Variants in IGF1R observed in about 807,000 individuals in gnomAD.
IGF1R encodes the protein insulin-like growth factor 1 receptor.
In IGF1R, 44 loss-of-function variants were observed where a neutral mutation model predicts 144.6. The ratio of observed to expected loss-of-function variants is 0.30; its 90% CI spans 0.24 to 0.39. IGF1R has a LOEUF of 0.39. Ranked by LOEUF, IGF1R falls within the 10% of genes least tolerant of loss-of-function variation. The probability of loss-of-function intolerance (pLI) is 1.00; values close to 1 mark genes in which losing one functional copy is unlikely to be tolerated. For synonymous variants in IGF1R, 795 were observed against 722.8 expected, an observed-to-expected ratio of 1.10 and a Z score of -1.60; for missense variants, 1,355 against 1,833.7, an observed-to-expected ratio of 0.74 and a Z score of 4.77.
intron 5 of IGF1R, among the ~76,000 whole-genome samples, chr15:98,901,752 C>G (rs2014493270): frequency 6.6e-6 from 1 of 152,150 alleles, no homozygotes; most frequent in Non-Finnish European, 1.5e-5. Context: ...AGGCTTCTGA[C>G]AAGAGGTGGC....
At chr15:98,907,781 C>T (rs371451820) in intron 5 of IGF1R, among the ~76,000 whole-genome samples, 37 of 152,332 alleles carry the variant, frequency 2.4e-4, no homozygotes, top group African/African-American at 8.7e-4. Flanking sequence ...ATCTGCTACT[C>T]GTGTGCACAC....
chr15:98,776,923 C>T (rs1443240649), intron 2 of IGF1R, among the ~76,000 whole-genome samples: 1 of 152,218 alleles, frequency 6.6e-6, no homozygotes, highest in Non-Finnish European at 1.5e-5. Context: ...GAGCTGGACA[C>T]AGGTGCTTAG....
intron 2 of IGF1R, among the ~76,000 whole-genome samples, chr15:98,773,955 C>A (rs926988543): frequency 6.6e-6 from 1 of 152,278 alleles, no homozygotes; most frequent in East Asian, 1.9e-4. Flanking sequence ...GAAACCTACC[C>A]TATTTTTGTA....
At chr15:98,897,855 T>G (rs1205389746) in intron 4 of IGF1R, among the ~76,000 whole-genome samples, 1 of 152,102 alleles carries the variant, frequency 6.6e-6, no homozygotes, top group Non-Finnish European at 1.5e-5. Flanking sequence ...TTTTATAAGC[T>G]AGAATAAATA....
At chr15:98,842,902 T>C (rs1385890550) in intron 2 of IGF1R, among the ~76,000 whole-genome samples, 4 of 152,194 alleles carry the variant, frequency 2.6e-5, no homozygotes, top group Non-Finnish European at 5.9e-5. Flanking sequence ...GGGGTGAGCG[T>C]TTGTAGAAAA....
chr15:98,900,979 GTT>G (rs1011674495), intron 5 of IGF1R, among the ~76,000 whole-genome samples: 4 of 152,168 alleles, frequency 2.6e-5, no homozygotes, highest in Non-Finnish European at 2.9e-5. Flanking sequence ...TGAGAGGAGA[GTT>G]TAATTAATTT....
At chr15:98,650,187 G>A (rs1007420017) in intron 1 of IGF1R, among the ~76,000 whole-genome samples, 35 of 152,272 alleles carry the variant, frequency 2.3e-4, no homozygotes, top group African/African-American at 8.2e-4. Flanking sequence ...GGTGCGAGTT[G>A]CCCTCGAGGG....
At chr15:98,948,915 A>G (rs1274618493) in intron 20 of IGF1R, among the ~76,000 whole-genome samples, 1 of 152,218 alleles carries the variant, frequency 6.6e-6, no homozygotes, top group African/African-American at 2.4e-5. Flanking sequence ...ATTCTACCCC[A>G]TATTCCGTAA....
At chr15:98,757,053 G>A (rs937821392) in intron 2 of IGF1R, among the ~76,000 whole-genome samples, 8 of 152,100 alleles carry the variant, frequency 5.3e-5, no homozygotes, top group Non-Finnish European at 8.8e-5. Flanking sequence ...AAAATGCAAA[G>A]GTTTTATTTT....
At chr15:98,753,675 C>T (rs149687145) in intron 2 of IGF1R, among the ~76,000 whole-genome samples, 3 of 152,122 alleles carry the variant, frequency 2.0e-5, no homozygotes, top group African/African-American at 7.2e-5. Context: ...TTAATGTTAT[C>T]ATCTGGGAGG....
chr15:98,673,841 TATTTTGC>T (rs2052962674), intron 1 of IGF1R, among the ~76,000 whole-genome samples: 1 of 152,254 alleles, frequency 6.6e-6, no homozygotes. Context: ...CTGTATTTTG[TATTTTGC>T]ATGTCTGAGG....
chr15:98,889,195 G>A (rs1484281759), intron 2 of IGF1R, among the ~76,000 whole-genome samples: 1 of 152,226 alleles, frequency 6.6e-6, no homozygotes, highest in Non-Finnish European at 1.5e-5. Context: ...GCAACCTGTT[G>A]TTTCTGTCAA....
intron 2 of IGF1R, among the ~76,000 whole-genome samples, chr15:98,826,871 A>T (rs1478797422): frequency 6.6e-6 from 1 of 152,252 alleles, no homozygotes; most frequent in Non-Finnish European, 1.5e-5. Context: ...GCAATAAAGT[A>T]TTAAGAGCTG....
At chr15:98,746,003 A>G (rs2054855197) in intron 2 of IGF1R, among the ~76,000 whole-genome samples, 1 of 152,246 alleles carries the variant, frequency 6.6e-6, no homozygotes, top group South Asian at 2.1e-4. Context: ...TGGTTAATAC[A>G]CTAAGATATA....
At chr15:98,786,470 G>A (rs948564652) in intron 2 of IGF1R, among the ~76,000 whole-genome samples, 2 of 152,138 alleles carry the variant, frequency 1.3e-5, no homozygotes, top group African/African-American at 4.8e-5. Flanking sequence ...GCAGCGAATG[G>A]CCAGGCCTCG....
At chr15:98,669,308 AAGGGTATAC>A (rs1596161936) in intron 1 of IGF1R, among the ~76,000 whole-genome samples, 1 of 152,278 alleles carries the variant, frequency 6.6e-6, no homozygotes, top group East Asian at 1.9e-4. Flanking sequence ...TGCTTAAATG[AAGGGTATAC>A]AAACCCATGT....
chr15:98,868,072 A>G (rs1031767220), intron 2 of IGF1R, among the ~76,000 whole-genome samples: 1 of 152,112 alleles, frequency 6.6e-6, no homozygotes, highest in African/African-American at 2.4e-5. Context: ...GTGGTGGTGC[A>G]TGCCTGTAAT....
At chr15:98,695,292 C>T (rs893085726) in intron 1 of IGF1R, among the ~76,000 whole-genome samples, 17 of 152,128 alleles carry the variant, frequency 1.1e-4, no homozygotes, top group African/African-American at 2.2e-4. Context: ...CCTCCTTTGA[C>T]GGGTCAAGGC....
chr15:98,916,261 G>GTTT (rs34536372), intron 9 of IGF1R, 130 bp downstream of exon 9: 8,723 of 547,764 alleles, frequency 0.016, 82 homozygotes, highest in African/African-American at 0.051. Flanking sequence ...CTATCTTCTG[G>GTTT]TTTTTTTTTT....
Sources: gnomAD v4.1 joint callset for allele counts (sites outside exome capture counted in the v4.1 genomes callset) on GRCh38, gnomAD v4.1.1 for gene constraint, MANE v1.5 for transcripts, NCBI Gene and HGNC (gene_info 2026-07-23, HGNC 2026-07-21) for gene names.